The following MAP3K15 variants were observed in gnomAD, a reference collection of about 807,000 sequenced individuals.
MAP3K15 encodes mitogen-activated protein kinase kinase kinase 15.
Under a neutral mutation model 99.5 loss-of-function variants are expected in MAP3K15, and 124 were observed. The ratio of observed to expected loss-of-function variants is 1.25; its 90% CI spans 1.08 to 1.45. The LOEUF (loss-of-function observed/expected upper bound fraction) is 1.45. Among genes scored for constraint, MAP3K15 ranks in the 40% most tolerant of loss-of-function variants. The pLI is 0.00. For synonymous variants in MAP3K15, 494 were observed against 439.6 expected (o/e 1.12, Z -1.55); for missense variants, 1,242 against 1,079.7 (o/e 1.15, Z -2.11).
At chrX:19,482,898 A>T (rs1349889074) in intron 3 of MAP3K15, among the ~76,000 whole-genome samples, 1 of 111,244 alleles carries the variant, frequency 9.0e-6, no homozygotes, top group East Asian at 2.8e-4. Flanking sequence ...CAGGTGGTCC[A>T]CCCTGAAGTC....
At chrX:19,424,043 A>C (rs1273181550) in intron 9 of MAP3K15, among the ~76,000 whole-genome samples, 1 of 110,849 alleles carries the variant, frequency 9.0e-6, no homozygotes, top group African/African-American at 3.3e-5. Flanking sequence ...GACAACTGGA[A>C]GCTTGCACGT....
intron 1 of MAP3K15, among the ~76,000 whole-genome samples, chrX:19,501,333 C>T (rs2064439129): frequency 8.9e-6 from 1 of 111,747 alleles, no homozygotes; most frequent in African/African-American, 3.3e-5. Context: ...TATGGACAAA[C>T]CAGAAGAAAA....
At chrX:19,395,569 G>C (rs1476798274) in intron 15 of MAP3K15, among the ~76,000 whole-genome samples, 1 of 111,506 alleles carries the variant, frequency 9.0e-6, no homozygotes, top group Non-Finnish European at 1.9e-5. Flanking sequence ...CCCATGAAGA[G>C]TGGTGTTCTG....
At chrX:19,489,094 G>C in intron 1 of MAP3K15, 127 bp from the exon 2 acceptor site, 1 of 613,301 alleles carries the variant, frequency 1.6e-6, no homozygotes, top group Admixed American at 3.3e-5. Flanking sequence ...GGTAAAGTAA[G>C]GAATGATTTG....
intron 4 of MAP3K15, among the ~76,000 whole-genome samples, 183 bp downstream of exon 4, chrX:19,464,030 G>A (rs768947771): frequency 4.5e-5 from 5 of 111,339 alleles, no homozygotes; most frequent in South Asian, 3.8e-4. Flanking sequence ...GCTCAATCCC[G>A]ACTTCTTAAC....
At position 19,369,044 on chromosome X, in the gene MAP3K15, A is replaced by AGGAGTCT; in HGVS notation, c.3566+9_3566+10insAGACTCC. The AGGAGTCT allele has an allele frequency of 8.5e-7, 1 of 1,178,945 alleles. No homozygotes were observed. The highest frequency in any genetic ancestry group is 1.1e-6 in the Non-Finnish European group (1 of 880,151). On this transcript the variant is annotated intron_variant, in intron 25 of 28. Transcript: ENST00000338883. ...GCCTGCTCCCAGAGGAGGGCCCAGA[A>AGGAGTCT]GCTCCTCACCTGTTGGTCTCCTGTC...
At chrX:19,373,453 G>C (rs904367907) in intron 21 of MAP3K15, 83 bp downstream of exon 21, 2 of 1,096,555 alleles carry the variant, frequency 1.8e-6, no homozygotes, top group Non-Finnish European at 1.2e-6. Flanking sequence ...TGGCCATCTG[G>C]TTGGGACCAG....
intron 3 of MAP3K15, among the ~76,000 whole-genome samples, chrX:19,481,363 C>G (rs2064288973): frequency 9.2e-6 from 1 of 108,230 alleles, no homozygotes; most frequent in South Asian, 4.0e-4. Flanking sequence ...CTACCTCACA[C>G]CAGACAAAAA....
At chrX:19,468,252 T>G (rs2064182567) in intron 3 of MAP3K15, among the ~76,000 whole-genome samples, 1 of 111,816 alleles carries the variant, frequency 8.9e-6, no homozygotes, top group Non-Finnish European at 1.9e-5. Flanking sequence ...AGCTAGAAGT[T>G]TAACAGAGAG....
chrX:19,398,502 G>A, intron 14 of MAP3K15, 143 bp from the exon 15 acceptor site: 1 of 578,094 alleles, frequency 1.7e-6, no homozygotes, highest in Non-Finnish European at 2.6e-6. Flanking sequence ...CTTAGCTTAG[G>A]CCCTTTTCAT....
At chrX:19,487,133 G>A (rs191544846) in intron 2 of MAP3K15, among the ~76,000 whole-genome samples, 6 of 84,565 alleles carry the variant, frequency 7.1e-5, no homozygotes, top group African/African-American at 2.0e-4. Flanking sequence ...TGGGGGTGGG[G>A]GGGGGGAAGG....
At chrX:19,396,837 T>G (rs1014515042) in intron 15 of MAP3K15, among the ~76,000 whole-genome samples, 3 of 111,820 alleles carry the variant, frequency 2.7e-5, no homozygotes, top group East Asian at 2.8e-4. Context: ...TGTATGTAGC[T>G]TCTCTACAGA....
chrX:19,362,587 T>C (rs1387099274), intron 26 of MAP3K15, 151 bp downstream of exon 26: 1 of 421,892 alleles, frequency 2.4e-6, no homozygotes, highest in Non-Finnish European at 4.2e-6. Flanking sequence ...GCCATGTTGT[T>C]GAATCTATCA....
chrX:19,512,456 C>T (rs2064526047), intron 1 of MAP3K15, among the ~76,000 whole-genome samples: 5 of 111,237 alleles, frequency 4.5e-5, no homozygotes, highest in Non-Finnish European at 9.4e-5. Flanking sequence ...CTGGGAGTTA[C>T]TTGTGCCTAC....
At chrX:19,410,079 G>A (rs375477646) in intron 11 of MAP3K15, 106 bp from the exon 12 acceptor site, 1 of 629,198 alleles carries the variant, frequency 1.6e-6, no homozygotes, top group South Asian at 2.7e-5. Flanking sequence ...ACCTGCAGTG[G>A]TGATTTTTTT....
At chrX:19,446,479 T>G (rs2063999373) in intron 6 of MAP3K15, among the ~76,000 whole-genome samples, 2 of 111,872 alleles carry the variant, frequency 1.8e-5, no homozygotes, top group African/African-American at 6.5e-5. Flanking sequence ...GTGACCTGCC[T>G]AAGGCCATGC....
intron 11 of MAP3K15, among the ~76,000 whole-genome samples, chrX:19,413,003 G>T (rs1003208542): frequency 2.7e-5 from 3 of 110,023 alleles, no homozygotes; most frequent in African/African-American, 1.0e-4. Flanking sequence ...GCCTCCAAAA[G>T]TGTTGGGACT....
In MAP3K15 at chrX:19,415,208, T is replaced by C. The variant is rs775168508; in HGVS notation, c.1489A>G (p.Lys497Glu). ...QNLLLIRRFK[K>E]TIIEHSPRQE... ...CTGGGCGAGTGTTCAATAATGGTTT[T>C]CTTGAAGCGCCGAATTAGTAACAAG... Residue 497 changes from lysine (K) to glutamate (E), a missense_variant, in exon 10 of 29, where the codon AAA (lysine) becomes GAA (glutamate). Coordinates refer to ENST00000338883, the MANE Select transcript of MAP3K15 (RefSeq NM_001001671.4). 1.9e-5 allele frequency: 23 copies of C among 1,180,970 alleles called. No individual in the cohort carries two copies. The highest frequency in any genetic ancestry group is 2.6e-5 in the Non-Finnish European group (23 of 885,183).
At chrX:19,464,693 T>C (rs911942133) in intron 3 of MAP3K15, among the ~76,000 whole-genome samples, 3 of 111,738 alleles carry the variant, frequency 2.7e-5, no homozygotes, top group South Asian at 7.5e-4. Flanking sequence ...AGAAATCACA[T>C]TGTTTCATTA....
Sources: allele counts gnomAD v4.1 joint callset (sites outside exome capture counted in the v4.1 genomes callset), GRCh38; gene constraint gnomAD v4.1.1; transcripts MANE v1.5; gene names NCBI Gene and HGNC (gene_info 2026-07-23, HGNC 2026-07-21).